Variants in ZNF804B observed in about 807,000 individuals in gnomAD.
ZNF804B encodes zinc finger protein 804B.
Under a neutral mutation model 101.4 loss-of-function variants are expected in ZNF804B, and 80 were observed. That is an observed-to-expected ratio of 0.79 (90% CI 0.66 to 0.95). ZNF804B has a LOEUF of 0.95. Among genes scored for constraint, ZNF804B ranks in the 40% least tolerant of loss-of-function variants. The pLI is 0.00. For synonymous variants in ZNF804B, 622 were observed against 558.8 expected (o/e 1.11, Z -1.59); for missense variants, 1,673 against 1,561.9 (o/e 1.07, Z -1.20).
intron 1 of ZNF804B, among the ~76,000 whole-genome samples, chr7:89,084,577 A>G (rs548913906): frequency 6.6e-6 from 1 of 152,078 alleles, no homozygotes; most frequent in East Asian, 1.9e-4. Flanking sequence ...TTCCATTAGT[A>G]TTAGAACTCT....
intron 2 of ZNF804B, among the ~76,000 whole-genome samples, chr7:89,326,036 G>T (rs554280316): frequency 6.6e-6 from 1 of 151,894 alleles, no homozygotes; most frequent in South Asian, 2.1e-4. Flanking sequence ...GGCTATCCAC[G>T]CTTTAATGCT....
At chr7:88,776,780 A>ACCCCCCCC (rs10707553) in intron 1 of ZNF804B, among the ~76,000 whole-genome samples, 36 of 83,472 alleles carry the variant, frequency 4.3e-4, no homozygotes, top group Non-Finnish European at 5.8e-4. Context: ...TAACCCATAA[A>ACCCCCCCC]CCCCCCCCCC....
rs923655385 is a variant in ZNF804B, at chr7:89,241,377, A to G, written c.249+23082A>G. Among the ~76,000 whole-genome samples the G allele has an allele frequency of 2.6e-5, 4 of 151,874 alleles. No homozygotes were observed. In the South Asian group the frequency reaches 8.3e-4, roughly 32 times the overall value. On this transcript the variant is annotated intron_variant, in intron 2 of 3. Transcript: ENST00000333190. ...TGCTTTTTTCCTTCTCTGAACCACT[A>G]CCTCTACTCCCTGCCAGTGTTTCCT...
At chr7:88,905,336 T>C (rs1168396173) in intron 1 of ZNF804B, among the ~76,000 whole-genome samples, 1 of 152,076 alleles carries the variant, frequency 6.6e-6, no homozygotes, top group African/African-American at 2.4e-5. Flanking sequence ...GATGTGCTGT[T>C]GAATACAGTA....
chr7:88,903,148 G>A (rs530174828), intron 1 of ZNF804B, among the ~76,000 whole-genome samples: 15 of 143,144 alleles, frequency 1.0e-4, no homozygotes, highest in Middle Eastern at 4.4e-3. Flanking sequence ...CCATCTTTAC[G>A]TCCACATGTG....
chr7:89,257,325 G>A (rs940123808), intron 2 of ZNF804B, among the ~76,000 whole-genome samples: 1 of 151,992 alleles, frequency 6.6e-6, no homozygotes, highest in African/African-American at 2.4e-5. Flanking sequence ...AGTTCTGCAT[G>A]GTTGTTCCTT....
chr7:88,894,701 A>C (rs1328344396), intron 1 of ZNF804B, among the ~76,000 whole-genome samples: 1 of 152,308 alleles, frequency 6.6e-6, no homozygotes, highest in African/African-American at 2.4e-5. Flanking sequence ...GTGAAGCCTC[A>C]AAAAGACATG....
rs5885638 is a variant in ZNF804B at position 88,819,289 on chromosome 7, A to AT, written c.108+59215dup. ...CTGGTGCATGCCTCCACACCTGGCT[A>AT]TTTTTTTTTTCTTGTATTTTTAGTA... On this transcript the variant is annotated intron_variant, in intron 1 of 3. Coordinates refer to ENST00000333190, the MANE Select transcript of ZNF804B (RefSeq NM_181646.5). 2.3e-4 allele frequency among the ~76,000 whole-genome samples: 35 copies of AT among 150,042 alleles called. No individual in the cohort carries two copies. In the South Asian group the frequency reaches 2.8e-3, roughly 12 times the overall value.
chr7:89,181,683 A>G (rs1487477033), intron 1 of ZNF804B, among the ~76,000 whole-genome samples: 1 of 152,156 alleles, frequency 6.6e-6, no homozygotes, highest in Non-Finnish European at 1.5e-5. Flanking sequence ...ATTCTTATGA[A>G]GTTATTTTTT....
At chr7:89,272,423 T>C (rs1258747053) in intron 2 of ZNF804B, among the ~76,000 whole-genome samples, 2 of 152,128 alleles carry the variant, frequency 1.3e-5, no homozygotes, top group East Asian at 1.9e-4. Context: ...ATTTATGTCT[T>C]AATTAGCCTA....
chr7:88,774,454 G>C (rs142192904), intron 1 of ZNF804B, among the ~76,000 whole-genome samples: 1 of 152,012 alleles, frequency 6.6e-6, no homozygotes, highest in African/African-American at 2.4e-5. Context: ...TTTTCATTGG[G>C]TATCTGTGTG....
intron 2 of ZNF804B, among the ~76,000 whole-genome samples, chr7:89,223,754 T>G (rs1789040524): frequency 6.6e-6 from 1 of 151,866 alleles, no homozygotes; most frequent in Non-Finnish European, 1.5e-5. Context: ...ACACACCTGA[T>G]TTTTTAAATT....
chr7:89,225,489 T>TGTGTCTC (rs1356297146), intron 2 of ZNF804B, among the ~76,000 whole-genome samples: 1 of 152,156 alleles, frequency 6.6e-6, no homozygotes, highest in Non-Finnish European at 1.5e-5. Flanking sequence ...TCTCTAGAAC[T>TGTGTCTC]TAGAGCAATT....
chr7:88,898,196 C>T (rs972075549), intron 1 of ZNF804B, among the ~76,000 whole-genome samples: 1 of 149,146 alleles, frequency 6.7e-6, no homozygotes, highest in African/African-American at 2.5e-5. Context: ...ACGCCATTCT[C>T]CTGCCTCAGC....
chr7:89,143,208 T>C (rs1336494579), intron 1 of ZNF804B, among the ~76,000 whole-genome samples: 1 of 151,976 alleles, frequency 6.6e-6, no homozygotes, highest in Non-Finnish European at 1.5e-5. Flanking sequence ...AATTTTATTA[T>C]AACGATGGTA....
At chr7:88,779,579 C>A (rs1790193342) in intron 1 of ZNF804B, among the ~76,000 whole-genome samples, 1 of 151,984 alleles carries the variant, frequency 6.6e-6, no homozygotes. Context: ...CATATTTAAT[C>A]CTTAACACAA....
intron 1 of ZNF804B, among the ~76,000 whole-genome samples, chr7:88,828,599 A>G (rs1240271764): frequency 6.6e-6 from 1 of 152,144 alleles, no homozygotes; most frequent in Non-Finnish European, 1.5e-5. Flanking sequence ...GCACTCAAGA[A>G]ATGTTAGTTA....
At chr7:88,899,651 T>C (rs1792359163) in intron 1 of ZNF804B, among the ~76,000 whole-genome samples, 1 of 152,184 alleles carries the variant, frequency 6.6e-6, no homozygotes, top group African/African-American at 2.4e-5. Context: ...AAGCCCTTTT[T>C]TACTTCTCAT....
intron 1 of ZNF804B, among the ~76,000 whole-genome samples, chr7:89,216,261 T>A (rs558753657): frequency 6.6e-6 from 1 of 152,156 alleles, no homozygotes; most frequent in Non-Finnish European, 1.5e-5. Context: ...TGAGCCGAGA[T>A]CGCGCCATTG....
Sources: allele counts gnomAD v4.1 joint callset (sites outside exome capture counted in the v4.1 genomes callset), GRCh38; gene constraint gnomAD v4.1.1; transcripts MANE v1.5; gene names NCBI Gene and HGNC (gene_info 2026-07-23, HGNC 2026-07-21).